Variants in ZNF385D observed in about 807,000 individuals in gnomAD.
ZNF385D encodes zinc finger protein 659.
In ZNF385D, 15 loss-of-function variants were observed where a neutral mutation model predicts 35.8. The observed-to-expected ratio is 0.42, with a 90% CI of 0.28 to 0.64. The LOEUF (loss-of-function observed/expected upper bound fraction) is 0.64, where lower values mean the gene tolerates loss of function less well. ZNF385D is among the 30% of genes least tolerant of loss of function. The pLI is 0.23. For missense variants in ZNF385D, 474 were observed against 494.6 expected (o/e 0.96, Z 0.39); for synonymous variants, 212 against 186.8 (o/e 1.13, Z -1.10).
chr3:21,883,905 C>A (rs1160631552), intron 3 of ZNF385D, among the ~76,000 whole-genome samples: 1 of 152,004 alleles, frequency 6.6e-6, no homozygotes, highest in Non-Finnish European at 1.5e-5. Context: ...ATCCGTTTCA[C>A]TCTCTTCAGC....
intron 2 of ZNF385D, among the ~76,000 whole-genome samples, chr3:22,259,143 ATCTC>A (rs1700476272): frequency 6.6e-6 from 1 of 151,904 alleles, no homozygotes; most frequent in South Asian, 2.1e-4. Context: ...AACATCATGT[ATCTC>A]TCATTTGGAA....
At chr3:22,353,569 G>A (rs1158633637) in intron 2 of ZNF385D, among the ~76,000 whole-genome samples, 4 of 151,968 alleles carry the variant, frequency 2.6e-5, no homozygotes, top group South Asian at 2.1e-4. Context: ...CTATGTCCTC[G>A]GACTGTAGCA....
intron 3 of ZNF385D, among the ~76,000 whole-genome samples, chr3:21,798,374 T>C (rs1292329445): frequency 6.6e-6 from 1 of 152,176 alleles, no homozygotes; most frequent in Non-Finnish European, 1.5e-5. Context: ...TCCAGAGGTC[T>C]GTACGACTGA....
Position 21,907,398 on chromosome 3 carries a change from A to G in ZNF385D, c.326-242370T>C, listed in dbSNP as rs557533561. On this transcript the variant is annotated intron_variant, in intron 3 of 5. Transcript: ENST00000494108. Reference sequence around the variant, plus strand: ...TACCCTTCACAATATCTTTTTTTGTATAATAAAATCCATTTTCATATCAAT... The same window carrying G: ...TACCCTTCACAATATCTTTTTTTGTGTAATAAAATCCATTTTCATATCAAT... Among the ~76,000 whole-genome samples the G allele has an allele frequency of 4.6e-5, 7 of 152,258 alleles. No homozygotes were observed. In the East Asian group the frequency reaches 1.4e-3, roughly 29 times the overall value.
At chr3:21,548,003 CG>C (rs1482088972) in intron 3 of ZNF385D, among the ~76,000 whole-genome samples, 1 of 152,122 alleles carries the variant, frequency 6.6e-6, no homozygotes, top group Non-Finnish European at 1.5e-5. Flanking sequence ...GCTGTAACCT[CG>C]GGAAGTTTGT....
chr3:22,171,236 G>A (rs1308929816), intron 2 of ZNF385D, among the ~76,000 whole-genome samples: 1 of 152,140 alleles, frequency 6.6e-6, no homozygotes, highest in African/African-American at 2.4e-5. Context: ...GTGTGCCCTT[G>A]TAACACATCA....
At chr3:22,184,588 G>A (rs149770278) in intron 2 of ZNF385D, among the ~76,000 whole-genome samples, 1 of 152,128 alleles carries the variant, frequency 6.6e-6, no homozygotes, top group Non-Finnish European at 1.5e-5. Flanking sequence ...CACTTTGGGA[G>A]GCCGAAGAGG....
At chr3:21,997,866 CGCGCGCG>C (rs1695573335) in intron 3 of ZNF385D, among the ~76,000 whole-genome samples, 15 of 97,808 alleles carry the variant, frequency 1.5e-4, no homozygotes, top group Admixed American at 9.8e-5. Flanking sequence ...GGCGCGCGCG[CGCGCGCG>C]TGTGTGTGTG....
chr3:22,179,598 C>A (rs1377505248), intron 2 of ZNF385D, among the ~76,000 whole-genome samples: 2 of 152,150 alleles, frequency 1.3e-5, no homozygotes, highest in Admixed American at 1.3e-4. Context: ...TGCCTGATTG[C>A]CCTGGCCAGA....
At chr3:21,535,642 T>G (rs1425332698) in intron 3 of ZNF385D, among the ~76,000 whole-genome samples, 2 of 145,066 alleles carry the variant, frequency 1.4e-5, no homozygotes, top group Non-Finnish European at 2.9e-5. Context: ...ACTTAGCAAT[T>G]TTTTTTTTCA....
chr3:21,501,648 T>G (rs1319859428), intron 4 of ZNF385D, among the ~76,000 whole-genome samples: 1 of 152,256 alleles, frequency 6.6e-6, no homozygotes, highest in Non-Finnish European at 1.5e-5. Flanking sequence ...CTGTCATATT[T>G]TATCATTGTT....
intron 3 of ZNF385D, among the ~76,000 whole-genome samples, chr3:22,104,097 T>G (rs572446271): frequency 1.3e-5 from 2 of 152,118 alleles, no homozygotes; most frequent in Non-Finnish European, 2.9e-5. Flanking sequence ...ATCTTTTCCT[T>G]TGAAAGGTGT....
Position 21,664,888 on chromosome 3 carries a change from C to G in ZNF385D, c.163G>C (p.Ala55Pro), listed in dbSNP as rs774044765. Residue 55 changes from alanine (A) to proline (P), a missense_variant and splice_region_variant, in exon 2 of 8, where the codon GCG becomes CCG. Physicochemically the swap from Ala to Pro is conservative, Grantham distance 27 (BLOSUM62 -1). Transcript: ENST00000281523. ...AGACAAATTTGGCAGGTACTTACCG[C>G]ATTGAAATTGGGGAAGAGGTTGACT... ...AAVNLFPNFN[A>P]MDPIQKAVIN... The G allele has an allele frequency of 2.5e-6, 4 of 1,613,556 alleles. No homozygotes were observed. The highest frequency in any genetic ancestry group is 3.4e-6 in the Non-Finnish European group (4 of 1,179,666).
chr3:21,932,598 A>G (rs1005222449), intron 3 of ZNF385D, among the ~76,000 whole-genome samples: 2 of 152,108 alleles, frequency 1.3e-5, no homozygotes, highest in African/African-American at 2.4e-5. Flanking sequence ...AAAAGCTTTA[A>G]CAATCAATTG....
chr3:21,972,901 A>G (rs1397180588), intron 3 of ZNF385D, among the ~76,000 whole-genome samples: 1 of 151,984 alleles, frequency 6.6e-6, no homozygotes, highest in African/African-American at 2.4e-5. Flanking sequence ...GATGAATAAC[A>G]AGTAATGTGA....
intron 3 of ZNF385D, among the ~76,000 whole-genome samples, chr3:22,145,459 T>C (rs1704792683): frequency 6.6e-6 from 1 of 152,238 alleles, no homozygotes; most frequent in South Asian, 2.1e-4. Context: ...CAATGCTCTT[T>C]ACACACTAGA....
intron 4 of ZNF385D, among the ~76,000 whole-genome samples, chr3:21,468,883 C>A (rs141500562): frequency 6.6e-6 from 1 of 151,922 alleles, no homozygotes; most frequent in African/African-American, 2.4e-5. Context: ...GAACCGAGAT[C>A]GTGCCACTGC....
intron 3 of ZNF385D, among the ~76,000 whole-genome samples, chr3:21,870,856 A>G (rs1281600921): frequency 6.6e-6 from 1 of 152,026 alleles, no homozygotes; most frequent in Non-Finnish European, 1.5e-5. Flanking sequence ...ATCTGATCAG[A>G]TCTCATTTAT....
intron 3 of ZNF385D, among the ~76,000 whole-genome samples, chr3:21,850,901 C>A (rs1407336750): frequency 6.6e-6 from 1 of 151,914 alleles, no homozygotes; most frequent in Non-Finnish European, 1.5e-5. Context: ...ACTGAACATT[C>A]TTTAAAGAAA....
Sources: allele counts gnomAD v4.1 joint callset (sites outside exome capture counted in the v4.1 genomes callset), GRCh38; gene constraint gnomAD v4.1.1; transcripts MANE v1.5; gene names NCBI Gene and HGNC (gene_info 2026-07-23, HGNC 2026-07-21).